The following DSCAM variants were observed in gnomAD, a reference collection of about 807,000 sequenced individuals.
DSCAM encodes cell adhesion molecule DSCAM.
A neutral mutation model predicts 217.7 loss-of-function variants in DSCAM; 47 were observed. The observed-to-expected ratio is 0.22, with a 90% CI of 0.17 to 0.28. DSCAM has a LOEUF of 0.28. DSCAM is among the 10% of genes least tolerant of loss of function. The pLI, the probability that DSCAM is intolerant of heterozygous loss-of-function variation, is 1.00. For missense variants in DSCAM, 2,080 were observed against 2,618.3 expected, an observed-to-expected ratio of 0.79 and a Z score of 4.49; for synonymous variants, 1,056 against 1,015.3, an observed-to-expected ratio of 1.04 and a Z score of -0.76.
intron 1 of DSCAM, among the ~76,000 whole-genome samples, chr21:40,738,614 A>G (rs2091088927): frequency 6.6e-6 from 1 of 152,112 alleles, no homozygotes; most frequent in Admixed American, 6.5e-5. Flanking sequence ...TTCAAAGTGG[A>G]GGTCAATTAG....
chr21:40,740,010 C>T (rs1029717723), intron 1 of DSCAM, among the ~76,000 whole-genome samples: 2 of 115,302 alleles, frequency 1.7e-5, no homozygotes, highest in Non-Finnish European at 3.3e-5. Flanking sequence ...CCAAGAGCTA[C>T]AGCAAACCCT....
At chr21:40,298,277 T>C (rs1010450811) in intron 9 of DSCAM, among the ~76,000 whole-genome samples, 1 of 151,984 alleles carries the variant, frequency 6.6e-6, no homozygotes, top group Non-Finnish European at 1.5e-5. Context: ...GAGATGGGGT[T>C]TTACCATCTT....
At chr21:40,785,571 T>C (rs1380815107) in intron 1 of DSCAM, among the ~76,000 whole-genome samples, 1 of 152,256 alleles carries the variant, frequency 6.6e-6, no homozygotes, top group African/African-American at 2.4e-5. Context: ...GCCTAAATCC[T>C]AATCTTGTAC....
chr21:40,263,841 T>A (rs1213923686), intron 11 of DSCAM, among the ~76,000 whole-genome samples: 1 of 152,016 alleles, frequency 6.6e-6, no homozygotes, highest in Non-Finnish European at 1.5e-5. Flanking sequence ...AAGATTCAGA[T>A]AAGTTCAATT....
rs117914750 is a variant in DSCAM at position 40,654,512 on chromosome 21, C to T, written c.508+38298G>A. Among the ~76,000 whole-genome samples the T allele has an allele frequency of 6.5e-3, 992 of 152,296 alleles. 6 individuals are homozygous for T. Among genetic ancestry groups the T allele is most frequent in the Middle Eastern group, 0.02 (6 of 294 alleles). ...ACAAAATAACACAAATTTGTTACCT[C>T]ATGCTTTAGAGATCAAAATCCTAAA... On this transcript the variant is annotated intron_variant, in intron 3 of 32. Transcript: ENST00000400454.
intron 3 of DSCAM, among the ~76,000 whole-genome samples, chr21:40,684,299 A>C (rs1474226652): frequency 2.6e-5 from 4 of 152,206 alleles, no homozygotes; most frequent in African/African-American, 7.2e-5. Flanking sequence ...AACGCTCCAC[A>C]GGCTGACGGT....
At chr21:40,368,103 AG>A (rs1410682701) in intron 4 of DSCAM, among the ~76,000 whole-genome samples, 1 of 152,214 alleles carries the variant, frequency 6.6e-6, no homozygotes, top group East Asian at 1.9e-4. Flanking sequence ...CATCATTTGG[AG>A]GGAGAAATGC....
intron 3 of DSCAM, among the ~76,000 whole-genome samples, chr21:40,452,424 A>G (rs1216740632): frequency 2.6e-5 from 4 of 152,118 alleles, no homozygotes; most frequent in Non-Finnish European, 5.9e-5. Flanking sequence ...GGTTTATGAT[A>G]TTTAGTGAAG....
intron 3 of DSCAM, among the ~76,000 whole-genome samples, chr21:40,447,671 T>C (rs1177534805): frequency 1.3e-5 from 2 of 152,238 alleles, no homozygotes; most frequent in African/African-American, 4.8e-5. Context: ...ACTGTGGTTA[T>C]GGCAACTCTG....
chr21:40,682,674 G>GAGACCTGAGCACCTGT (rs1568981615), intron 3 of DSCAM, among the ~76,000 whole-genome samples: 1 of 20,444 alleles, frequency 4.9e-5, no homozygotes, highest in Non-Finnish European at 9.9e-5. Flanking sequence ...GAGGGGGAGG[G>GAGACCTGAGCACCTGT]GAGGGGAGGG....
chr21:40,447,836 C>T (rs188565588), intron 3 of DSCAM, among the ~76,000 whole-genome samples: 32 of 152,272 alleles, frequency 2.1e-4, no homozygotes, highest in African/African-American at 6.3e-4. Flanking sequence ...CGAGGAGGAG[C>T]GTGATGCTTA....
rs193018680 is a variant in DSCAM, at chr21:40,751,273, C to T, written c.44-42502G>A. ...CGTCTCCCTTAAAATTACTCTTCTT[C>T]ACTGCTTCAGTTTCTTTGCACTAAT... On this transcript the variant is annotated intron_variant, in intron 1 of 32. Coordinates refer to ENST00000400454, the MANE Select transcript of DSCAM (RefSeq NM_001389.5). Among the ~76,000 whole-genome samples the T allele has an allele frequency of 7.9e-4, 120 of 152,318 alleles. 3 individuals carry two copies. In the South Asian group the frequency reaches 0.023, roughly 30 times the overall value.
At chr21:40,669,055 T>C (rs1029537597) in intron 3 of DSCAM, among the ~76,000 whole-genome samples, 18 of 152,166 alleles carry the variant, frequency 1.2e-4, no homozygotes, top group Admixed American at 1.0e-3. Context: ...CATAGCTATA[T>C]TCACAAAGCC....
intron 1 of DSCAM, among the ~76,000 whole-genome samples, chr21:40,832,944 CCA>C (rs1279566741): frequency 6.6e-6 from 1 of 152,158 alleles, no homozygotes; most frequent in African/African-American, 2.4e-5. Flanking sequence ...AAAAAATCAC[CCA>C]GTCTAAAGTA....
At chr21:40,262,110 A>T (rs61500671) in intron 11 of DSCAM, among the ~76,000 whole-genome samples, 12,470 of 152,030 alleles carry the variant, frequency 0.082, 1,194 homozygotes, top group East Asian at 0.22. Context: ...GTGCACAGTG[A>T]GATGGCAGCC....
intron 1 of DSCAM, among the ~76,000 whole-genome samples, chr21:40,767,898 C>CTCTCT (rs2091408652): frequency 2.0e-5 from 3 of 151,718 alleles, no homozygotes; most frequent in African/African-American, 4.9e-5. Context: ...TTCTCTCTCT[C>CTCTCT]CCTGTGTGTG....
intron 11 of DSCAM, among the ~76,000 whole-genome samples, chr21:40,197,529 T>G (rs2091025384): frequency 6.7e-6 from 1 of 148,672 alleles, no homozygotes; most frequent in Non-Finnish European, 1.5e-5. Context: ...TCTATTTTAT[T>G]TAGTAAGTTT....
intron 14 of DSCAM, among the ~76,000 whole-genome samples, chr21:40,184,276 G>T (rs1165037304): frequency 1.3e-5 from 2 of 152,182 alleles, no homozygotes; most frequent in East Asian, 3.8e-4. Context: ...ACTAATACAT[G>T]AAAAATCTGA....
At chr21:40,483,290 T>C (rs1364352722) in intron 3 of DSCAM, among the ~76,000 whole-genome samples, 1 of 152,240 alleles carries the variant, frequency 6.6e-6, no homozygotes, top group African/African-American at 2.4e-5. Context: ...TTTCATTTCA[T>C]GTCGAATCTA....
Sources: allele counts gnomAD v4.1 joint callset (sites outside exome capture counted in the v4.1 genomes callset), GRCh38; gene constraint gnomAD v4.1.1; transcripts MANE v1.5; gene names NCBI Gene and HGNC (gene_info 2026-07-23, HGNC 2026-07-21).